Variants in TMPRSS6 observed in about 807,000 individuals in gnomAD.
The protein encoded by TMPRSS6 is transmembrane serine protease 6, also known as transmembrane protease serine 6.
Under a neutral mutation model 101.5 loss-of-function variants are expected in TMPRSS6, and 67 were observed. The ratio of observed to expected loss-of-function variants is 0.66; its 90% CI spans 0.54 to 0.81. TMPRSS6 has a LOEUF of 0.81. Among genes scored for constraint, TMPRSS6 ranks in the 30% least tolerant of loss-of-function variants. The pLI, the probability that TMPRSS6 is intolerant of heterozygous loss-of-function variation, is 0.00. For synonymous variants in TMPRSS6, 453 were observed against 464.9 expected (o/e 0.97, Z 0.33); for missense variants, 1,034 against 1,088.7 (o/e 0.95, Z 0.71).
rs375343726 is a variant in TMPRSS6, at chr22:37,073,160, G to GTGGA, written c.1555+368_1555+371dup. 5.7e-3 allele frequency among the ~76,000 whole-genome samples: 790 copies of GTGGA among 138,226 alleles called. 6 individuals are homozygous for GTGGA. Among genetic ancestry groups the GTGGA allele is most frequent in the African/African-American group, 0.017 (581 of 33,420 alleles). The allele number at this position is 138,226 out of a possible 152,430, so 90.7% of individuals were successfully genotyped here. ...GATGGGTGGGTGGGTAGATGGGTGGGTGGATGGATGGATGGATGGATGGAT... is the reference window on the plus strand; with the variant it reads ...GATGGGTGGGTGGGTAGATGGGTGGGTGGATGGATGGATGGATGGATGGATGGAT... On this transcript the variant is annotated intron_variant, in intron 13 of 17. Coordinates refer to ENST00000676104, the MANE Select transcript of TMPRSS6 (RefSeq NM_001374504.1).
rs2146125729 is a variant in TMPRSS6, at chr22:37,089,779, C to T, written c.635G>A (p.Cys212Tyr). 2 of 1,611,656 alleles carry T rather than the reference C, an allele frequency of 1.2e-6. No individual in the cohort carries two copies. Among genetic ancestry groups the T allele is most frequent in the Non-Finnish European group, 1.7e-6 (2 of 1,179,492 alleles). ...DIAALNSTLGCYRYSYVGQGQ... is the reference protein window; with the variant it reads ...DIAALNSTLGYYRYSYVGQGQ... ...CTGGCCCACGTAGCTGTAGCGGTAA[C>T]AACCTGGAGCGGGGAGAGGGGCACA... The change falls in exon 7 of 18, where the codon TGT becomes TAT. Residue 212 changes from cysteine to tyrosine, a missense_variant. Coordinates refer to ENST00000676104, the MANE Select transcript of TMPRSS6 (RefSeq NM_001374504.1).
intron 15 of TMPRSS6, 112 bp downstream of exon 15, chr22:37,070,372 G>A: frequency 5.7e-6 from 8 of 1,392,040 alleles, no homozygotes; most frequent in Non-Finnish European, 7.1e-6. Context: ...CCTGTCTGGG[G>A]GGTCCACCAC....
chr22:37,089,351 GT>G (rs1260181340), intron 7 of TMPRSS6, among the ~76,000 whole-genome samples: 2 of 152,090 alleles, frequency 1.3e-5, no homozygotes, highest in African/African-American at 4.8e-5. Context: ...CAACGGCTTT[GT>G]TACAGATGGG....
rs1160150448 is a variant in TMPRSS6, at chr22:37,103,169, C to T, written c.202+47G>A. On this transcript the variant is annotated intron_variant, in intron 2 of 17. Transcript: ENST00000676104. This position sits in a 1 kb window ranked among gnomAD's most constrained non-coding sequence, Gnocchi z 4.4. ...GTCCTGCTGTGCCTGCTACAGTCAC[C>T]CCAAGTCCTCCCCAGGTGCCTCTCC... The T allele has an allele frequency of 6.2e-7, 1 of 1,601,652 alleles. No homozygotes were observed. The highest frequency in any genetic ancestry group is 1.3e-5 in the African/African-American group (1 of 74,814).
chr22:37,072,025 C>T (rs886608872), intron 13 of TMPRSS6, among the ~76,000 whole-genome samples: 10 of 114,060 alleles, frequency 8.8e-5, no homozygotes, highest in African/African-American at 1.7e-4. Context: ...GGATGGCTGA[C>T]GGATGAATGG....
intron 10 of TMPRSS6, among the ~76,000 whole-genome samples, chr22:37,083,416 C>A (rs892744216): frequency 6.6e-6 from 1 of 152,182 alleles, no homozygotes; most frequent in Non-Finnish European, 1.5e-5. Context: ...TTCTCTCCCT[C>A]TGGGGATGCT....
At chr22:37,094,550 T>G (rs1366393333) in intron 6 of TMPRSS6, among the ~76,000 whole-genome samples, 3 of 151,956 alleles carry the variant, frequency 2.0e-5, no homozygotes, top group Admixed American at 6.6e-5. Context: ...AGATGATAGA[T>G]AGATAGATAG....
chr22:37,081,473 T>A (rs1051417525), intron 10 of TMPRSS6, among the ~76,000 whole-genome samples: 4 of 152,174 alleles, frequency 2.6e-5, no homozygotes, highest in African/African-American at 9.7e-5. Context: ...ACACAACTTG[T>A]ATGGGAGACA....
chr22:37,100,341 G>A (rs1930198924), intron 2 of TMPRSS6, among the ~76,000 whole-genome samples: 1 of 152,246 alleles, frequency 6.6e-6, no homozygotes, highest in African/African-American at 2.4e-5. Context: ...GTTGAGAAAG[G>A]CTCTAAGGAG....
rs1458223512 is a variant in TMPRSS6, at chr22:37,078,935, AG to A, written c.1197-3656del. ...AGAAGAAAGAGAAAGAAGAGGAAGA[AG>A]GAGAAGGAGAAGGAGAAAAAGAGAA... On this transcript the variant is annotated intron_variant, in intron 10 of 17. Transcript: ENST00000676104. Among the ~76,000 whole-genome samples, 44 of 69,736 alleles carry A rather than the reference AG, an allele frequency of 6.3e-4. No individual in the cohort carries two copies. The African/African-American group carries it at 6.5e-3, about 10-fold the overall frequency. The allele number at this position is 69,736 out of a possible 152,430, so 45.7% of individuals were successfully genotyped here.
At chr22:37,109,758 C>T (rs1930955138), upstream of TMPRSS6, among the ~76,000 whole-genome samples, 1 of 152,204 alleles carries the variant, frequency 6.6e-6, no homozygotes, top group African/African-American at 2.4e-5. Context: ...CAGTGCCTGC[C>T]CCGCCCCATC....
chr22:37,097,333 G>A lies in TMPRSS6; in HGVS notation c.337-618C>T, dbSNP rs188579080. Reference sequence around the variant, plus strand: ...TTGGAGGTGATTCTGGGAAACAGTAGTTGGGAGGGAGAGACTGGAAAGTGG... The same window carrying A: ...TTGGAGGTGATTCTGGGAAACAGTAATTGGGAGGGAGAGACTGGAAAGTGG... On this transcript the variant is annotated intron_variant, in intron 3 of 17. Transcript: ENST00000676104. 3.9e-5 allele frequency among the ~76,000 whole-genome samples: 6 copies of A among 152,354 alleles called. No homozygotes were observed. The East Asian group carries it at 1.2e-3, about 29-fold the overall frequency.
chr22:37,105,313 C>T (rs1024454836), intron 1 of TMPRSS6, among the ~76,000 whole-genome samples: 1 of 152,224 alleles, frequency 6.6e-6, no homozygotes, highest in African/African-American at 2.4e-5. Flanking sequence ...GTGGAGTGGG[C>T]CCTACTGGCT....
chr22:37,086,763 C>T (rs1202046144), intron 7 of TMPRSS6, among the ~76,000 whole-genome samples: 2 of 152,048 alleles, frequency 1.3e-5, no homozygotes, highest in Non-Finnish European at 2.9e-5. Flanking sequence ...CATCTGTGAC[C>T]CCTAGCGTCC....
intron 5 of TMPRSS6, 57 bp downstream of exon 5, chr22:37,095,849 A>G: frequency 1.4e-5 from 22 of 1,605,516 alleles, no homozygotes; most frequent in Non-Finnish European, 1.8e-5. Flanking sequence ...GCCACACCAC[A>G]GCTTGTTTCC....
intron 16 of TMPRSS6, among the ~76,000 whole-genome samples, chr22:37,068,354 G>A (rs1183717695): frequency 3.3e-5 from 5 of 152,154 alleles, no homozygotes; most frequent in Non-Finnish European, 7.3e-5. Flanking sequence ...ATATCTCTGC[G>A]GCCCCGCCTG....
rs1218836307 is a variant in TMPRSS6 at position 37,103,628 on chromosome 22, C to T, written c.-1-210G>A. The T allele has an allele frequency of 6.3e-7, 1 of 1,588,820 alleles. No individual in the cohort carries two copies. The highest frequency in any genetic ancestry group is 8.6e-7 in the Non-Finnish European group (1 of 1,162,536). On this transcript the variant is annotated intron_variant, in intron 1 of 17. Transcript: ENST00000676104. The surrounding 1 kb of genome is among the most constrained non-coding windows in gnomAD (Gnocchi z 4.4). ...TCAGCTCGCACCAGAGGGCAGGCAC[C>T]AGAGCTGGACTGGGTCTGGCTCAAG...
In TMPRSS6 at chr22:37,089,423, C is replaced by T. The variant is rs530572164; in HGVS notation, c.836+155G>A. Among the ~76,000 whole-genome samples the T allele has an allele frequency of 2.0e-5, 3 of 152,164 alleles. No individual in the cohort carries two copies. The South Asian group carries it at 6.2e-4, about 32-fold the overall frequency. ...ACACAACCATCTCCAGCCTCCTCTCCCCTATCCCCTCTAAGCTAGCCGTCC... is the reference window on the plus strand; with the variant it reads ...ACACAACCATCTCCAGCCTCCTCTCTCCTATCCCCTCTAAGCTAGCCGTCC... On this transcript the variant is annotated intron_variant, in intron 7 of 17. Coordinates refer to ENST00000676104, the MANE Select transcript of TMPRSS6 (RefSeq NM_001374504.1).
intron 2 of TMPRSS6, among the ~76,000 whole-genome samples, chr22:37,100,908 G>A (rs1930261379): frequency 6.6e-6 from 1 of 152,240 alleles, no homozygotes; most frequent in Non-Finnish European, 1.5e-5. Context: ...GTCTAGGGAG[G>A]AAAGGGCTTC....
Sources: allele counts gnomAD v4.1 joint callset (sites outside exome capture counted in the v4.1 genomes callset), GRCh38; gene constraint gnomAD v4.1.1; non-coding constraint Gnocchi (gnomAD v3.1); transcripts MANE v1.5; gene names NCBI Gene and HGNC (gene_info 2026-07-23, HGNC 2026-07-21).